The following SYTL2 variants were observed in gnomAD, a reference collection of about 807,000 sequenced individuals.
SYTL2 encodes the protein synaptotagmin like 2, also known as synaptotagmin-like protein 2.
Under a neutral mutation model 198.7 loss-of-function variants are expected in SYTL2, and 165 were observed. That is an observed-to-expected ratio of 0.83 (90% CI 0.73 to 0.94). The LOEUF is 0.94. Ranked by LOEUF, SYTL2 falls within the 40% of genes least tolerant of loss-of-function variation. The pLI is 0.00. For missense variants in SYTL2, 2,835 were observed against 2,582.8 expected, an observed-to-expected ratio of 1.10 and a Z score of -2.12; for synonymous variants, 966 against 917.7, an observed-to-expected ratio of 1.05 and a Z score of -0.95.
chr11:85,747,545 C>T (rs184138263), intron 3 of SYTL2, among the ~76,000 whole-genome samples: 9 of 152,202 alleles, frequency 5.9e-5, no homozygotes, highest in African/African-American at 1.4e-4. Context: ...TTATTTCCCC[C>T]CTCTTTTGAC....
At chr11:85,801,955 C>T (rs2092894979) in intron 1 of SYTL2, among the ~76,000 whole-genome samples, 1 of 151,750 alleles carries the variant, frequency 6.6e-6, no homozygotes, top group Non-Finnish European at 1.5e-5. Context: ...GCTGGGATTA[C>T]AGGCACCCAC....
At chr11:85,706,657 G>A (rs1029326487) in intron 15 of SYTL2, among the ~76,000 whole-genome samples, 2 of 152,202 alleles carry the variant, frequency 1.3e-5, no homozygotes, top group African/African-American at 4.8e-5. Flanking sequence ...GACTATGAGA[G>A]AGGAAAGTTG....
At position 85,726,271 on chromosome 11, in the gene SYTL2, T is replaced by C; in HGVS notation, c.3087A>G (p.Ser1029=). ...KHKEFSDIKL[S]GKNTHEAEVL... ...CCTCTGCTTCATGGGTATTTTTACCTGATAATTTAATGTCGCTGAATTCCT... is the reference window on the plus strand; with the variant it reads ...CCTCTGCTTCATGGGTATTTTTACCCGATAATTTAATGTCGCTGAATTCCT... The change falls in exon 8 of 20, where the codon TCA becomes TCG. Residue 1029 remains serine, a synonymous_variant. Transcript: ENST00000359152. 1 of 1,613,926 alleles carries C rather than the reference T, an allele frequency of 6.2e-7. No homozygotes were observed. The highest frequency in any genetic ancestry group is 2.2e-5 in the East Asian group (1 of 44,870).
chr11:85,757,618 C>T lies in SYTL2; in HGVS notation c.101+7G>A. On this transcript the variant is annotated splice_region_variant and intron_variant, in intron 2 of 19. Transcript: ENST00000359152. ...CCCTCATGCCCAAGGCTTCTCTGGC[C>T]TCTTACCTGACTCTCTCTTCTTCGG... The T allele has an allele frequency of 6.2e-7, 1 of 1,613,534 alleles. No individual in the cohort carries two copies. Among genetic ancestry groups the T allele is most frequent in the Non-Finnish European group, 8.5e-7 (1 of 1,179,758 alleles).
intron 7 of SYTL2, among the ~76,000 whole-genome samples, chr11:85,731,998 A>G (rs1352480121): frequency 6.6e-6 from 1 of 152,262 alleles, no homozygotes; most frequent in African/African-American, 2.4e-5. Context: ...TAAAAAGCTC[A>G]TTATCACTGG....
At chr11:85,822,248 C>T in the SYTL2 span, among the ~76,000 whole-genome samples, 1 of 152,176 alleles carries the variant, frequency 6.6e-6, no homozygotes, top group Non-Finnish European at 1.5e-5. Flanking sequence ...TCAATGATCT[C>T]GGACTCCTAG....
the SYTL2 span, among the ~76,000 whole-genome samples, chr11:85,826,629 C>T: frequency 1.3e-5 from 2 of 152,200 alleles, no homozygotes; most frequent in Non-Finnish European, 2.9e-5. Flanking sequence ...AAACAGAAAG[C>T]AAACAATTCT....
intron 1 of SYTL2, among the ~76,000 whole-genome samples, chr11:85,808,801 C>A (rs1459241052): frequency 3.3e-5 from 5 of 151,876 alleles, no homozygotes; most frequent in Non-Finnish European, 7.4e-5. Flanking sequence ...TTTGGTAAGC[C>A]CTAAGACAAA....
the SYTL2 span, among the ~76,000 whole-genome samples, chr11:85,849,895 G>A: frequency 1.1e-4 from 15 of 141,722 alleles, 1 homozygote; most frequent in South Asian, 2.3e-4. Context: ...CCATTTTCAC[G>A]ATATTGATTC....
intron 11 of SYTL2, among the ~76,000 whole-genome samples, chr11:85,715,789 A>G (rs1447411128): frequency 1.3e-5 from 2 of 152,194 alleles, no homozygotes; most frequent in Non-Finnish European, 2.9e-5. Flanking sequence ...GCAGTGTAAG[A>G]TTAGGTCCCA....
intron 1 of SYTL2, among the ~76,000 whole-genome samples, chr11:85,797,657 A>G (rs958305804): frequency 6.6e-6 from 1 of 151,926 alleles, no homozygotes; most frequent in Non-Finnish European, 1.5e-5. Flanking sequence ...AAAAAGAAAA[A>G]GAAAACATTA....
At chr11:85,842,990 T>C in the SYTL2 span, among the ~76,000 whole-genome samples, 1 of 152,218 alleles carries the variant, frequency 6.6e-6, no homozygotes, top group African/African-American at 2.4e-5. Context: ...TACTGTAGAA[T>C]GTGTTCAGTT....
intron 17 of SYTL2, among the ~76,000 whole-genome samples, chr11:85,698,735 C>T (rs566246777): frequency 2.0e-5 from 3 of 152,242 alleles, no homozygotes; most frequent in Admixed American, 6.5e-5. Context: ...GACAGAGTTT[C>T]GTCATGTTGC....
At chr11:85,829,411 C>T in the SYTL2 span, among the ~76,000 whole-genome samples, 1 of 152,130 alleles carries the variant, frequency 6.6e-6, no homozygotes, top group South Asian at 2.1e-4. Flanking sequence ...TGTAGTATTC[C>T]ATGGTGTATA....
intron 1 of SYTL2, among the ~76,000 whole-genome samples, chr11:85,800,298 T>C (rs990514739): frequency 3.9e-5 from 6 of 152,060 alleles, no homozygotes; most frequent in Non-Finnish European, 7.4e-5. Flanking sequence ...TCTCCAAGAG[T>C]TTCCTGGGTT....
chr11:85,739,263 T>TC (rs2090599481), intron 4 of SYTL2, among the ~76,000 whole-genome samples: 1 of 151,426 alleles, frequency 6.6e-6, no homozygotes, highest in Admixed American at 6.6e-5. Flanking sequence ...CTTTTTTTTT[T>TC]TTTTTTTTTT....
the SYTL2 span, among the ~76,000 whole-genome samples, chr11:85,842,259 T>G: frequency 6.6e-6 from 1 of 152,226 alleles, no homozygotes; most frequent in Admixed American, 6.5e-5. Flanking sequence ...CTTCTTCCTG[T>G]AAGCACCTCA....
chr11:85,788,772 T>C (rs1255125439), intron 1 of SYTL2, among the ~76,000 whole-genome samples: 2 of 147,824 alleles, frequency 1.4e-5, no homozygotes, highest in East Asian at 4.0e-4. Flanking sequence ...TATTCTATAA[T>C]TATAAAAAAA....
Position 85,734,288 on chromosome 11 carries a change from C to G in SYTL2, c.1041G>C (p.Gly347=), listed in dbSNP as rs374885999. ...CTCCTACTTCCCGACCATGGATTAG[C>G]CCAGGACTCTGTGGAAGCTCATCCT... ...AVKDELPQSP[G]LIHGREVGEF... is the part of the protein sequence containing the mutation. Residue 347 remains glycine, a synonymous_variant, in exon 7 of 20, where the codon GGG becomes GGC. Transcript: ENST00000359152. 14 of 1,614,198 alleles carry G rather than the reference C, an allele frequency of 8.7e-6. No homozygotes were observed. Among genetic ancestry groups the G allele is most frequent in the Non-Finnish European group, 1.2e-5 (14 of 1,180,008 alleles).
Sources: gnomAD v4.1 joint callset for allele counts (sites outside exome capture counted in the v4.1 genomes callset) on GRCh38, gnomAD v4.1.1 for gene constraint, MANE v1.5 for transcripts, NCBI Gene and HGNC (gene_info 2026-07-23, HGNC 2026-07-21) for gene names.